PCDHGB5: variants seen among roughly 807,000 people sequenced by gnomAD.
PCDHGB5 encodes protocadherin gamma subfamily B, 5.
A neutral mutation model predicts 62.9 loss-of-function variants in PCDHGB5; 48 were observed. The observed-to-expected ratio is 0.76, with a 90% CI of 0.61 to 0.97. The LOEUF (loss-of-function observed/expected upper bound fraction) is 0.97. Ranked by LOEUF, PCDHGB5 falls within the 50% of genes least tolerant of loss-of-function variation. The pLI is 0.00. For synonymous variants in PCDHGB5, 474 were observed against 511.2 expected (o/e 0.93, Z 0.98); for missense variants, 1,118 against 1,198.6 (o/e 0.93, Z 0.99).
chr5:141,447,208 C>T (rs1226099966), intron 1 of PCDHGB5, among the ~76,000 whole-genome samples: 1 of 152,078 alleles, frequency 6.6e-6, no homozygotes, highest in Non-Finnish European at 1.5e-5. Flanking sequence ...GGCTTGATCT[C>T]GGCTCACTGC....
intron 1 of PCDHGB5, among the ~76,000 whole-genome samples, chr5:141,488,554 T>C (rs1313975033): frequency 6.6e-6 from 1 of 152,064 alleles, no homozygotes; most frequent in African/African-American, 2.4e-5. Context: ...CAGCTGACAT[T>C]GAGATTTCCG....
chr5:141,417,792 T>C, intron 1 of PCDHGB5: 1 of 1,483,216 alleles, frequency 6.7e-7, no homozygotes, highest in South Asian at 1.4e-5. Flanking sequence ...CCGAATGCTC[T>C]TTTAGCGCGG....
At chr5:141,469,362 G>C (rs915161729) in intron 1 of PCDHGB5, among the ~76,000 whole-genome samples, 14 of 152,084 alleles carry the variant, frequency 9.2e-5, no homozygotes, top group Non-Finnish European at 7.4e-5. Flanking sequence ...GGATCATGAG[G>C]TAAAGAGATC....
intron 1 of PCDHGB5, among the ~76,000 whole-genome samples, chr5:141,459,619 A>G (rs995987344): frequency 6.6e-6 from 1 of 152,238 alleles, no homozygotes; most frequent in Non-Finnish European, 1.5e-5. Context: ...TTAACTTTAT[A>G]AGAAGCTGCC....
chr5:141,504,130 C>T (rs1334901812), intron 2 of PCDHGB5, among the ~76,000 whole-genome samples: 1 of 152,154 alleles, frequency 6.6e-6, no homozygotes, highest in African/African-American at 2.4e-5. Flanking sequence ...TGTTTCCCGC[C>T]AACACTCCCC....
At chr5:141,424,078 T>C in intron 1 of PCDHGB5, 1 of 975,828 alleles carries the variant, frequency 1.0e-6, no homozygotes, top group South Asian at 4.8e-5. Context: ...GTAGTTATAT[T>C]CCACCATTAT....
At chr5:141,463,553 A>G (rs1163004575) in intron 1 of PCDHGB5, among the ~76,000 whole-genome samples, 3 of 140,962 alleles carry the variant, frequency 2.1e-5, no homozygotes, top group Non-Finnish European at 4.5e-5. Context: ...GGTTCATGCC[A>G]TTCTCCTGCC....
Position 141,431,625 on chromosome 5 carries a change from C to T in PCDHGB5, c.2397+31101C>T. The T allele has an allele frequency of 6.2e-7, 1 of 1,614,224 alleles. No individual in the cohort carries two copies. Among genetic ancestry groups the T allele is most frequent in the South Asian group, 1.1e-5 (1 of 91,082 alleles). On this transcript the variant is annotated intron_variant, in intron 1 of 3. Transcript: ENST00000617380. This position sits in a 1 kb window ranked among gnomAD's most constrained non-coding sequence, Gnocchi z 4.8. Reference sequence around the variant, plus strand: ...TTCCGGTATGTGGACGACAAGGCGGCCCAAGTTTTCAAACTAGATTGTAAT... The same window carrying T: ...TTCCGGTATGTGGACGACAAGGCGGTCCAAGTTTTCAAACTAGATTGTAAT...
At chr5:141,502,368 G>A (rs2099813930) in intron 2 of PCDHGB5, among the ~76,000 whole-genome samples, 1 of 151,996 alleles carries the variant, frequency 6.6e-6, no homozygotes, top group East Asian at 1.9e-4. Context: ...TATTTTTAAA[G>A]AGTCCAGGCC....
chr5:141,490,808 A>C lies in PCDHGB5; in HGVS notation c.2398-3999A>C. On this transcript the variant is annotated intron_variant, in intron 1 of 3. Coordinates refer to ENST00000617380, the MANE Select transcript of PCDHGB5 (RefSeq NM_018925.3). The surrounding 1 kb of genome is among the most constrained non-coding windows in gnomAD (Gnocchi z 5.4). The stretch of plus-strand genomic sequence containing the variant: ...CGGATCTTTGCCCAGCGTACCTTTG[A>C]CTATGAATTGCTGCAGATGCTGCAG... 1 of 1,613,884 alleles carries C rather than the reference A, an allele frequency of 6.2e-7. No homozygotes were observed. The highest frequency in any genetic ancestry group is 8.5e-7 in the Non-Finnish European group (1 of 1,179,874).
chr5:141,432,264 C>A lies in PCDHGB5; in HGVS notation c.2397+31740C>A. On this transcript the variant is annotated intron_variant, in intron 1 of 3. Transcript: ENST00000617380. The surrounding 1 kb of genome is among the most constrained non-coding windows in gnomAD (Gnocchi z 6.0). Reference sequence around the variant, plus strand: ...AACACCATCCAAGGGGCAAGCCTATCGTCCTACGTGTCCATCAACTCCGAC... The same window carrying A: ...AACACCATCCAAGGGGCAAGCCTATAGTCCTACGTGTCCATCAACTCCGAC... 5 of 1,614,252 alleles carry A rather than the reference C, an allele frequency of 3.1e-6. No homozygotes were observed. Among genetic ancestry groups the A allele is most frequent in the Non-Finnish European group, 4.2e-6 (5 of 1,180,044 alleles).
At chr5:141,460,849 G>A (rs908955373) in intron 1 of PCDHGB5, among the ~76,000 whole-genome samples, 1 of 150,224 alleles carries the variant, frequency 6.7e-6, no homozygotes, top group Non-Finnish European at 1.5e-5. Flanking sequence ...CCTCCAGTTC[G>A]ATCCAAGTTG....
At chr5:141,419,246 GAAAACAACCAGCC>G (rs749331717) in intron 1 of PCDHGB5, 1 of 1,614,004 alleles carries the variant, frequency 6.2e-7, no homozygotes, top group South Asian at 1.1e-5. Flanking sequence ...CCACGTGCCA[GAAAACAACCAGCC>G]GGGTGCCTCC....
chr5:141,432,413 G>C lies in PCDHGB5; in HGVS notation c.2397+31889G>C, dbSNP rs369816901. 9 of 1,614,114 alleles carry C rather than the reference G, an allele frequency of 5.6e-6. No homozygotes were observed. The highest frequency in any genetic ancestry group is 1.3e-5 in the African/African-American group (1 of 74,946). ...CAGCAACGTGTCGTTGAGCCTGTTCGTGCTGGACCAGAACGACAATGCGCC... is the reference window on the plus strand; with the variant it reads ...CAGCAACGTGTCGTTGAGCCTGTTCCTGCTGGACCAGAACGACAATGCGCC... On this transcript the variant is annotated intron_variant, in intron 1 of 3. Coordinates refer to ENST00000617380, the MANE Select transcript of PCDHGB5 (RefSeq NM_018925.3). This position sits in a 1 kb window ranked among gnomAD's most constrained non-coding sequence, Gnocchi z 6.0.
chr5:141,462,036 G>A (rs760555655), intron 1 of PCDHGB5, among the ~76,000 whole-genome samples: 5 of 151,978 alleles, frequency 3.3e-5, no homozygotes, highest in African/African-American at 7.3e-5. Flanking sequence ...TTGGTCAGGC[G>A]GGTCTTGAAC....
intron 1 of PCDHGB5, chr5:141,428,142 C>A: frequency 6.3e-7 from 1 of 1,594,260 alleles, no homozygotes; most frequent in Non-Finnish European, 8.6e-7. Flanking sequence ...CCTGGGGCTG[C>A]ACACGGGAAC....
In PCDHGB5 at chr5:141,399,397, G is replaced by C; in HGVS notation, c.1270G>C (p.Gly424Arg). ...TGTCACCATCACAGCCACAGACAGG[G>C]GCAAGCCGCCCCTCTCCTCCAGCAT... is the stretch of plus-strand genomic sequence containing the variant. ...YNVTITATDR[G>R]KPPLSSSISV... Residue 424 changes from glycine (G) to arginine (R), a missense_variant, in exon 1 of 4, where the codon GGC becomes CGC. This residue lies in a region of PCDHGB5 where 1,034 missense variants were observed against 1,029.1 expected (regional missense o/e 1.00). Transcript: ENST00000617380. 2 of 1,613,940 alleles carry C rather than the reference G, an allele frequency of 1.2e-6. No individual in the cohort carries two copies. Among genetic ancestry groups the C allele is most frequent in the Non-Finnish European group, 8.5e-7 (1 of 1,179,882 alleles).
Position 141,454,887 on chromosome 5 carries a change from T to C in PCDHGB5, c.2398-39920T>C, listed in dbSNP as rs1291501766. Among the ~76,000 whole-genome samples, 3 of 138,310 alleles carry C rather than the reference T, an allele frequency of 2.2e-5. No homozygotes were observed. The Admixed American group carries it at 2.3e-4, about 11-fold the overall frequency. 90.7% of individuals were successfully genotyped at this position (138,310 alleles called of 152,430 possible). A position where few individuals can be genotyped will look rare whatever the true frequency, so the allele number is the denominator to read the frequency against. ...CAGTGGCACGATCTTGGCTCACTGC[T>C]AGCACCGCCTCCCGGGTTCACGCCA... On this transcript the variant is annotated intron_variant, in intron 1 of 3. Coordinates refer to ENST00000617380, the MANE Select transcript of PCDHGB5 (RefSeq NM_018925.3).
intron 1 of PCDHGB5, chr5:141,415,268 T>C: frequency 6.2e-7 from 1 of 1,614,174 alleles, no homozygotes; most frequent in Non-Finnish European, 8.5e-7. Flanking sequence ...CTGTACCTGG[T>C]GGTAGCGGTG....
Sources: allele counts gnomAD v4.1 joint callset (sites outside exome capture counted in the v4.1 genomes callset), GRCh38; gene constraint gnomAD v4.1.1; regional missense constraint gnomAD v4.1.1; non-coding constraint Gnocchi (gnomAD v3.1); transcripts MANE v1.5; gene names NCBI Gene and HGNC (gene_info 2026-07-23, HGNC 2026-07-21).